LRP1B: variants seen among roughly 807,000 people sequenced by gnomAD.
LRP1B encodes the protein LDL receptor related protein 1B, also known as low-density lipoprotein receptor-related protein 1B.
Under a neutral mutation model 556.6 loss-of-function variants are expected in LRP1B, and 217 were observed. The ratio of observed to expected loss-of-function variants is 0.39; its 90% CI spans 0.35 to 0.44. The LOEUF (loss-of-function observed/expected upper bound fraction) is 0.44. Among genes scored for constraint, LRP1B ranks in the 20% least tolerant of loss-of-function variants. The pLI is 1.00. For synonymous variants in LRP1B, 2,047 were observed against 1,865.8 expected (o/e 1.10, Z -2.50); for missense variants, 5,053 against 5,620.8 (o/e 0.90, Z 3.23).
intron 6 of LRP1B, among the ~76,000 whole-genome samples, chr2:141,202,224 C>A (rs768464759): frequency 6.7e-6 from 1 of 150,122 alleles, no homozygotes; most frequent in East Asian, 1.9e-4. Context: ...CATGTTACTG[C>A]AAAGGATATG....
At chr2:141,546,146 C>T (rs1364277125) in intron 2 of LRP1B, among the ~76,000 whole-genome samples, 1 of 152,058 alleles carries the variant, frequency 6.6e-6, no homozygotes, top group Non-Finnish European at 1.5e-5. Flanking sequence ...CAGAATCTGC[C>T]AAGTTCACAC....
At chr2:140,766,445 G>A (rs1396564994) in intron 35 of LRP1B, among the ~76,000 whole-genome samples, 2 of 151,996 alleles carry the variant, frequency 1.3e-5, no homozygotes, top group African/African-American at 4.8e-5. Flanking sequence ...GTAGATGGAA[G>A]TAACACAAGT....
intron 7 of LRP1B, among the ~76,000 whole-genome samples, chr2:141,081,667 T>C (rs1036461848): frequency 1.3e-5 from 2 of 150,326 alleles, no homozygotes; most frequent in African/African-American, 4.9e-5. Context: ...GAGTATCATT[T>C]CCATATTAAA....
At chr2:140,391,118 TATC>T (rs1259155734) in intron 66 of LRP1B, among the ~76,000 whole-genome samples, 13 of 152,228 alleles carry the variant, frequency 8.5e-5, no homozygotes, top group Admixed American at 2.6e-4. Flanking sequence ...TAAGCAAACT[TATC>T]ATAACTATTA....
At chr2:142,088,965 G>C (rs12470903) in intron 1 of LRP1B, among the ~76,000 whole-genome samples, 1 of 135,332 alleles carries the variant, frequency 7.4e-6, no homozygotes, top group Non-Finnish European at 1.6e-5. Context: ...ACAGAGCAAG[G>C]CTCCGTCTCA....
At chr2:141,087,500 C>T (rs1700075914) in intron 7 of LRP1B, among the ~76,000 whole-genome samples, 1 of 152,168 alleles carries the variant, frequency 6.6e-6, no homozygotes. Flanking sequence ...GTTAATCCAA[C>T]CTCCAAATAT....
chr2:141,753,178 G>C (rs1036508860), intron 2 of LRP1B, among the ~76,000 whole-genome samples: 1 of 142,732 alleles, frequency 7.0e-6, no homozygotes, highest in Admixed American at 7.0e-5. Context: ...AACCTGGGAG[G>C]GGGAGGTTGC....
At chr2:140,272,528 C>A (rs1682509056) in intron 85 of LRP1B, among the ~76,000 whole-genome samples, 2 of 151,868 alleles carry the variant, frequency 1.3e-5, no homozygotes, top group Admixed American at 1.3e-4. Context: ...CTTAACAGTT[C>A]ATAGGCTGTG....
At chr2:140,248,097 G>A (rs1681246462) in intron 86 of LRP1B, among the ~76,000 whole-genome samples, 1 of 151,622 alleles carries the variant, frequency 6.6e-6, no homozygotes, top group South Asian at 2.1e-4. Context: ...CTAAATAACT[G>A]CAATTTCAGT....
intron 1 of LRP1B, among the ~76,000 whole-genome samples, chr2:142,067,406 C>A (rs927273771): frequency 2.6e-4 from 40 of 151,422 alleles, no homozygotes; most frequent in Non-Finnish European, 1.2e-4. Context: ...TAATCAGAAA[C>A]TAAATTATCC....
chr2:140,862,492 T>G (rs562991328), intron 27 of LRP1B, among the ~76,000 whole-genome samples: 10 of 152,274 alleles, frequency 6.6e-5, no homozygotes, highest in African/African-American at 2.4e-4. Flanking sequence ...ACAGAATACA[T>G]TTGCTGACCC....
chr2:141,335,018 A>G (rs1406890744), intron 3 of LRP1B, among the ~76,000 whole-genome samples: 1 of 152,238 alleles, frequency 6.6e-6, no homozygotes, highest in East Asian at 1.9e-4. Context: ...TGATTAAGAC[A>G]CTGAATAAGA....
chr2:140,755,825 G>A (rs1688725860), intron 35 of LRP1B, among the ~76,000 whole-genome samples: 1 of 151,924 alleles, frequency 6.6e-6, no homozygotes, highest in South Asian at 2.1e-4. Context: ...AGTACTGAAA[G>A]TTCTAACCAA....
intron 3 of LRP1B, among the ~76,000 whole-genome samples, chr2:141,347,353 C>T (rs1206786850): frequency 1.3e-5 from 2 of 151,972 alleles, no homozygotes; most frequent in Admixed American, 1.3e-4. Context: ...AATGCAATCT[C>T]AGTTCTTTCA....
intron 2 of LRP1B, among the ~76,000 whole-genome samples, chr2:141,800,978 T>A (rs1411638752): frequency 6.6e-6 from 1 of 152,170 alleles, no homozygotes; most frequent in Non-Finnish European, 1.5e-5. Flanking sequence ...GAATAATGTA[T>A]CATTTATTTC....
chr2:141,953,379 C>G (rs1701163582), intron 1 of LRP1B, among the ~76,000 whole-genome samples: 1 of 152,022 alleles, frequency 6.6e-6, no homozygotes, highest in African/African-American at 2.4e-5. Context: ...TCAGTTTCTT[C>G]TAAGTCCAAG....
intron 2 of LRP1B, among the ~76,000 whole-genome samples, chr2:141,684,501 A>G (rs1400765168): frequency 2.0e-5 from 3 of 152,098 alleles, no homozygotes; most frequent in Admixed American, 2.0e-4. Context: ...AATATGTAAT[A>G]TAGATGATGG....
intron 31 of LRP1B, among the ~76,000 whole-genome samples, chr2:140,818,165 A>G (rs933623538): frequency 1.3e-5 from 2 of 152,160 alleles, no homozygotes. Flanking sequence ...TTTTGGAGAC[A>G]GGGGAATGGT....
chr2:141,651,366 A>ATTTT (rs1689783631), intron 2 of LRP1B, among the ~76,000 whole-genome samples: 1 of 152,202 alleles, frequency 6.6e-6, no homozygotes, highest in Admixed American at 6.5e-5. Context: ...TTTAGCATAA[A>ATTTT]AGTATTTTAA....
Sources: allele counts gnomAD v4.1 joint callset (sites outside exome capture counted in the v4.1 genomes callset), GRCh38; gene constraint gnomAD v4.1.1; transcripts MANE v1.5; gene names NCBI Gene and HGNC (gene_info 2026-07-23, HGNC 2026-07-21).